The following PTPRD variants were observed in gnomAD, a reference collection of about 807,000 sequenced individuals.
PTPRD encodes receptor-type tyrosine-protein phosphatase delta.
PTPRD carries 34 observed loss-of-function variants against 214.5 expected under a neutral mutation model. The ratio of observed to expected loss-of-function variants is 0.16; its 90% CI spans 0.12 to 0.21. The LOEUF is 0.21. Ranked by LOEUF, PTPRD falls within the 10% of genes least tolerant of loss-of-function variation. PTPRD has a pLI of 1.00. For missense variants in PTPRD, 2,545 were observed against 2,398.7 expected (o/e 1.06, Z -1.27); for synonymous variants, 1,128 against 845.7 (o/e 1.33, Z -5.79).
intron 34 of PTPRD, among the ~76,000 whole-genome samples, chr9:8,439,600 A>G (rs2095474293): frequency 6.6e-6 from 1 of 152,218 alleles, no homozygotes; most frequent in South Asian, 2.1e-4. Context: ...AAAAGACCGA[A>G]TGTCGGCATA....
intron 14 of PTPRD, among the ~76,000 whole-genome samples, chr9:8,537,655 C>A (rs2077282840): frequency 6.6e-6 from 1 of 151,960 alleles, no homozygotes; most frequent in African/African-American, 2.4e-5. Context: ...GCCTCATTAG[C>A]AGCTACTAAA....
chr9:8,468,233 T>C (rs748765529), intron 31 of PTPRD, among the ~76,000 whole-genome samples: 78 of 151,998 alleles, frequency 5.1e-4, no homozygotes, highest in Non-Finnish European at 8.2e-4. Context: ...TGCAGGATGC[T>C]TCCTGTGTTA....
At chr9:9,203,784 T>C (rs1311800037) in intron 9 of PTPRD, among the ~76,000 whole-genome samples, 1 of 152,210 alleles carries the variant, frequency 6.6e-6, no homozygotes, top group East Asian at 1.9e-4. Flanking sequence ...AAACAATACA[T>C]GCTTTATAGC....
intron 2 of PTPRD, among the ~76,000 whole-genome samples, chr9:10,517,636 AG>A (rs1395469051): frequency 6.6e-6 from 1 of 152,066 alleles, no homozygotes; most frequent in East Asian, 1.9e-4. Flanking sequence ...CAATATCTAT[AG>A]TTATAGCTGT....
chr9:9,127,384 T>C (rs1033999021), intron 10 of PTPRD, among the ~76,000 whole-genome samples: 3 of 152,184 alleles, frequency 2.0e-5, no homozygotes, highest in Non-Finnish European at 2.9e-5. Flanking sequence ...GAGATAATGG[T>C]AGTATGAACT....
intron 9 of PTPRD, among the ~76,000 whole-genome samples, chr9:9,277,540 G>A (rs1324166284): frequency 6.6e-6 from 1 of 151,192 alleles, no homozygotes; most frequent in Admixed American, 6.6e-5. Context: ...TGATTATACA[G>A]AAGGATCTCT....
chr9:9,811,629 C>T (rs535256127), intron 5 of PTPRD, among the ~76,000 whole-genome samples: 1 of 152,118 alleles, frequency 6.6e-6, no homozygotes, highest in Non-Finnish European at 1.5e-5. Context: ...ACGGTGTGAA[C>T]ACAGGAGGTG....
intron 12 of PTPRD, among the ~76,000 whole-genome samples, chr9:8,668,216 G>A (rs906029737): frequency 6.6e-6 from 1 of 152,058 alleles, no homozygotes; most frequent in Admixed American, 6.5e-5. Flanking sequence ...AGAGGTACTA[G>A]GTCTGAAGAA....
At chr9:8,731,182 G>T (rs991100561) in intron 12 of PTPRD, among the ~76,000 whole-genome samples, 3 of 152,134 alleles carry the variant, frequency 2.0e-5, no homozygotes, top group African/African-American at 7.2e-5. Context: ...TGACTCTCAG[G>T]CTTTTTGGAG....
In PTPRD at chr9:9,038,500, CTTCACT is replaced by C. The variant is rs571724052; in HGVS notation, c.-142-19771_-142-19766del. On this transcript the variant is annotated intron_variant, in intron 10 of 45. Transcript: ENST00000381196. ...ACTGAGCATGTACACAAACACAATT[CTTCACT>C]TTAAGTGGGGGGCTAATTTAATATA... 1.1e-4 allele frequency among the ~76,000 whole-genome samples: 17 copies of C among 151,074 alleles called. 2 individuals carry two copies. In the South Asian group the frequency reaches 3.6e-3, roughly 32 times the overall value.
intron 14 of PTPRD, among the ~76,000 whole-genome samples, chr9:8,567,849 G>C (rs1305129602): frequency 6.6e-6 from 1 of 152,068 alleles, no homozygotes; most frequent in East Asian, 1.9e-4. Context: ...TCAGGATCAA[G>C]GCATAGGTCT....
At chr9:8,872,715 T>C (rs1206397916) in intron 11 of PTPRD, among the ~76,000 whole-genome samples, 1 of 152,246 alleles carries the variant, frequency 6.6e-6, no homozygotes, top group African/African-American at 2.4e-5. Context: ...CTTTCTTTCT[T>C]ATCTTTAATC....
At chr9:8,526,575 G>A in intron 17 of PTPRD, 52 bp downstream of exon 17, 1 of 1,464,668 alleles carries the variant, frequency 6.8e-7, no homozygotes, top group Non-Finnish European at 9.2e-7. Flanking sequence ...GGGATGAAAG[G>A]ACAGAAAGAA....
chr9:9,013,839 T>C (rs764951745), intron 11 of PTPRD, among the ~76,000 whole-genome samples: 67 of 152,142 alleles, frequency 4.4e-4, no homozygotes, highest in Non-Finnish European at 7.5e-4. Context: ...AATTAAACCA[T>C]TTCTTTCTTT....
At chr9:8,325,700 T>C (rs1832954275) in intron 44 of PTPRD, among the ~76,000 whole-genome samples, 1 of 152,142 alleles carries the variant, frequency 6.6e-6, no homozygotes, top group Non-Finnish European at 1.5e-5. Flanking sequence ...ACGATATTGA[T>C]TCTTCCTATC....
intron 12 of PTPRD, among the ~76,000 whole-genome samples, chr9:8,692,707 T>C (rs183662443): frequency 2.0e-5 from 3 of 152,336 alleles, no homozygotes; most frequent in East Asian, 1.9e-4. Context: ...TGTAATGATA[T>C]GGCACACTGA....
At chr9:9,686,285 A>G (rs1277935810) in intron 7 of PTPRD, among the ~76,000 whole-genome samples, 1 of 136,044 alleles carries the variant, frequency 7.4e-6, no homozygotes, top group Non-Finnish European at 1.6e-5. Flanking sequence ...TTTGAGATGT[A>G]TGTATGAATT....
chr9:9,750,611 G>A (rs144484751), intron 6 of PTPRD, among the ~76,000 whole-genome samples: 3 of 152,160 alleles, frequency 2.0e-5, no homozygotes, highest in Non-Finnish European at 4.4e-5. Context: ...TTCCTACAGA[G>A]GTTTGCACTA....
chr9:10,351,034 T>C (rs2097173239), intron 2 of PTPRD, among the ~76,000 whole-genome samples: 1 of 152,052 alleles, frequency 6.6e-6, no homozygotes, highest in African/African-American at 2.4e-5. Flanking sequence ...AGATGGCATT[T>C]GAGCTAAGAT....
Sources: gnomAD v4.1 joint callset for allele counts (sites outside exome capture counted in the v4.1 genomes callset) on GRCh38, gnomAD v4.1.1 for gene constraint, MANE v1.5 for transcripts, NCBI Gene and HGNC (gene_info 2026-07-23, HGNC 2026-07-21) for gene names.